The following TJP2 variants were observed in gnomAD, a reference collection of about 807,000 sequenced individuals.
TJP2 encodes tight junction protein 2, also known as Friedreich ataxia region gene X104 (tight junction protein ZO-2).
In TJP2, 91 loss-of-function variants were observed where a neutral mutation model predicts 133.1. The ratio of observed to expected loss-of-function variants is 0.68; its 90% CI spans 0.58 to 0.81. The LOEUF is 0.81. Among genes scored for constraint, TJP2 ranks in the 40% least tolerant of loss-of-function variants. The pLI is 0.00. For synonymous variants in TJP2, 592 were observed against 583.4 expected (o/e 1.01, Z -0.21); for missense variants, 1,541 against 1,565.6 (o/e 0.98, Z 0.26).
chr9:69,136,533 GT>G (rs554972226), intron 1 of TJP2, among the ~76,000 whole-genome samples: 41 of 151,508 alleles, frequency 2.7e-4, no homozygotes, highest in Non-Finnish European at 5.8e-4. Context: ...ATGTAAAAAA[GT>G]TTTTTTTTAG....
chr9:69,167,812 G>A (rs1439850894), intron 2 of TJP2, among the ~76,000 whole-genome samples: 1 of 150,522 alleles, frequency 6.6e-6, no homozygotes, highest in Non-Finnish European at 1.5e-5. Flanking sequence ...AGGTTATGGT[G>A]AGCCAAGATT....
At chr9:69,229,460 ATGT>A (rs1218605303) in intron 10 of TJP2, among the ~76,000 whole-genome samples, 1 of 152,192 alleles carries the variant, frequency 6.6e-6, no homozygotes, top group Non-Finnish European at 1.5e-5. Context: ...TGTGATGTTA[ATGT>A]TGTCTGTTTA....
At chr9:69,191,102 A>G (rs1454647964) in intron 1 of TJP2, among the ~76,000 whole-genome samples, 1 of 148,322 alleles carries the variant, frequency 6.7e-6, no homozygotes, top group Non-Finnish European at 1.5e-5. Context: ...TTGGAAAAGC[A>G]AAAAGGAAAA....
chr9:69,134,938 G>GAGAGA (rs1587880723), intron 1 of TJP2, among the ~76,000 whole-genome samples: 1 of 150,278 alleles, frequency 6.7e-6, no homozygotes, highest in East Asian at 2.0e-4. Flanking sequence ...AGAGGGAGAA[G>GAGAGA]AGAGAAGAGG....
At chr9:69,187,175 G>A (rs992318274) in intron 1 of TJP2, among the ~76,000 whole-genome samples, 1 of 152,138 alleles carries the variant, frequency 6.6e-6, no homozygotes, top group African/African-American at 2.4e-5. Flanking sequence ...TAGAACAGAA[G>A]GAACATACAC....
rs1451615587 is a variant in TJP2, at chr9:69,123,208, C to CTTCTCTGATGGCTAATGATGTTGAATAT, written c.-131+1484_-131+1485insTCTCTGATGGCTAATGATGTTGAATATT. On this transcript the variant is annotated intron_variant, in intron 1 of 5. Transcript: ENST00000423935. ...AATCTTTGTTTTGCCCACCAGGACA[C>CTTCTCTGATGGCTAATGATGTTGAATAT]TCTACAGCCGCATGGGTTAGAGCAC... is the stretch of plus-strand genomic sequence containing the variant. Among the ~76,000 whole-genome samples the CTTCTCTGATGGCTAATGATGTTGAATAT allele has an allele frequency of 2.5e-4, 26 of 102,098 alleles. 3 individuals carry two copies. Among genetic ancestry groups the CTTCTCTGATGGCTAATGATGTTGAATAT allele is most frequent in the Middle Eastern group, 5.7e-3 (1 of 174 alleles). 67.0% of individuals were successfully genotyped at this position (102,098 alleles called of 152,430 possible). A position where few individuals can be genotyped will look rare whatever the true frequency, so the allele number is the denominator to read the frequency against.
At chr9:69,226,282 A>G in intron 7 of TJP2, 107 bp downstream of exon 7, 1 of 1,313,856 alleles carries the variant, frequency 7.6e-7, no homozygotes, top group South Asian at 1.3e-5. Flanking sequence ...TTTCTAAGGA[A>G]AGACCCCTTG....
chr9:69,220,913 G>A lies in TJP2; in HGVS notation c.369G>A (p.Gln123=), dbSNP rs528452831. 1 of 1,612,358 alleles carries A rather than the reference G, an allele frequency of 6.2e-7. No individual in the cohort carries two copies. The highest frequency in any genetic ancestry group is 2.2e-5 in the East Asian group (1 of 44,882). ...TGGTCAAGAGGCCCCGGAAGGTCCA[G>A]GTGGCCGCACTTCAGGCCAGCCCTC... is the stretch of plus-strand genomic sequence containing the variant. ...AIVVKRPRKV[Q]VAALQASPPL... Residue 123 remains glutamine, a synonymous_variant, in exon 5 of 23, where the codon CAG becomes CAA. Coordinates refer to ENST00000377245, the MANE Select transcript of TJP2 (RefSeq NM_004817.4).
chr9:69,209,134 T>G (rs1464654368), intron 1 of TJP2, among the ~76,000 whole-genome samples: 1 of 152,156 alleles, frequency 6.6e-6, no homozygotes, highest in Non-Finnish European at 1.5e-5. Context: ...GTGTCTGCTT[T>G]CTTTTTCTTT....
chr9:69,197,515 C>CT, intron 1 of TJP2, among the ~76,000 whole-genome samples: 1 of 152,128 alleles, frequency 6.6e-6, no homozygotes, highest in Admixed American at 6.5e-5. Context: ...TTTTGTTTTT[C>CT]TTTTTTTCTA....
chr9:69,144,487 T>C (rs1216810270), intron 1 of TJP2, among the ~76,000 whole-genome samples: 2 of 152,190 alleles, frequency 1.3e-5, no homozygotes, highest in Non-Finnish European at 2.9e-5. Context: ...TATGTTGCCA[T>C]AGCACATCAA....
At chr9:69,225,509 T>C in intron 6 of TJP2, 102 bp downstream of exon 6, 1 of 808,994 alleles carries the variant, frequency 1.2e-6, no homozygotes, top group Non-Finnish European at 2.1e-6. Context: ...CCAGTGAGAG[T>C]CAGTGGTAAG....
In TJP2 at chr9:69,246,403, G is replaced by A. The variant is rs1289723891; in HGVS notation, c.2567-287G>A. The A allele has an allele frequency of 1.0e-5, 4 of 398,902 alleles. No individual in the cohort carries two copies. The East Asian group carries it at 2.4e-4, about 24-fold the overall frequency. The allele number at this position is 398,902 out of a possible 1,614,324, so 24.7% of individuals were successfully genotyped here. A position where few individuals can be genotyped will look rare whatever the true frequency, so the allele number is the denominator to read the frequency against. On this transcript the variant is annotated intron_variant, in intron 17 of 22. Transcript: ENST00000377245. ...CCACCACACCTGGCCGAAAACACATGTTCTTAAAAACATTTTTAAAAGTTA... is the reference window on the plus strand; with the variant it reads ...CCACCACACCTGGCCGAAAACACATATTCTTAAAAACATTTTTAAAAGTTA...
intron 1 of TJP2, among the ~76,000 whole-genome samples, chr9:69,146,043 G>T (rs143115903): frequency 1.3e-5 from 2 of 152,118 alleles, no homozygotes; most frequent in African/African-American, 4.8e-5. Flanking sequence ...TGAATAATGG[G>T]TGTGTCTAGA....
At chr9:69,144,855 C>T (rs140763045) in intron 1 of TJP2, among the ~76,000 whole-genome samples, 7 of 152,298 alleles carry the variant, frequency 4.6e-5, no homozygotes, top group East Asian at 3.9e-4. Context: ...CATCTGTTCA[C>T]CCCAGGGAAG....
chr9:69,169,686 T>C (rs1398988230), upstream of TJP2, among the ~76,000 whole-genome samples: 1 of 152,086 alleles, frequency 6.6e-6, no homozygotes, highest in Non-Finnish European at 1.5e-5. Context: ...CAGTGTTAGT[T>C]TTCTTTGCTC....
intron 1 of TJP2, among the ~76,000 whole-genome samples, chr9:69,185,419 A>C (rs1825793179): frequency 6.6e-6 from 1 of 152,186 alleles, no homozygotes; most frequent in African/African-American, 2.4e-5. Flanking sequence ...CATGGATGCC[A>C]CTGTAAGAGC....
chr9:69,221,546 C>T (rs1244538238), intron 5 of TJP2, 50 bp downstream of exon 5: 2 of 1,564,846 alleles, frequency 1.3e-6, no homozygotes, highest in African/African-American at 2.7e-5. Flanking sequence ...TATGAATAAC[C>T]TTTGTTTTCT....
rs148129964 is a variant in TJP2 at position 69,133,771 on chromosome 9, G to A, written c.-131+12046G>A. 2.6e-5 allele frequency among the ~76,000 whole-genome samples: 4 copies of A among 151,438 alleles called. No individual in the cohort carries two copies. In the South Asian group the frequency reaches 6.3e-4, roughly 24 times the overall value. On this transcript the variant is annotated intron_variant, in intron 1 of 5. Transcript: ENST00000423935. ...TCACCATGTTGTCCAGGCTGGCCTC[G>A]AATTCCTGACCTCAAGTGACCCGCC...
Sources: gnomAD v4.1 joint callset for allele counts (sites outside exome capture counted in the v4.1 genomes callset) on GRCh38, gnomAD v4.1.1 for gene constraint, MANE v1.5 for transcripts, NCBI Gene and HGNC (gene_info 2026-07-23, HGNC 2026-07-21) for gene names.